The following EIF2AK1 variants were observed in gnomAD, a reference collection of about 807,000 sequenced individuals.
The protein encoded by EIF2AK1 is eukaryotic translation initiation factor 2-alpha kinase 1.
EIF2AK1 carries 54 observed loss-of-function variants against 77.9 expected under a neutral mutation model. The ratio of observed to expected loss-of-function variants is 0.69; its 90% CI spans 0.56 to 0.87. EIF2AK1 has a LOEUF of 0.87. Among genes scored for constraint, EIF2AK1 ranks in the 40% least tolerant of loss-of-function variants. EIF2AK1 has a pLI of 0.00. For missense variants in EIF2AK1, 810 were observed against 768.6 expected, an observed-to-expected ratio of 1.05 and a Z score of -0.64; for synonymous variants, 314 against 290.5, an observed-to-expected ratio of 1.08 and a Z score of -0.82.
intron 2 of EIF2AK1, among the ~76,000 whole-genome samples, chr7:6,051,942 G>T (rs1401710822): frequency 6.6e-6 from 1 of 151,990 alleles, no homozygotes; most frequent in Non-Finnish European, 1.5e-5. Flanking sequence ...GGAGGCCAAG[G>T]CCAGTGGATC....
At chr7:6,042,151 C>CA (rs1788317124) in intron 8 of EIF2AK1, among the ~76,000 whole-genome samples, 1 of 151,732 alleles carries the variant, frequency 6.6e-6, no homozygotes, top group African/African-American at 2.4e-5. Context: ...CCTGTCTCAA[C>CA]AAAAATAATA....
rs1035525704 is a variant in EIF2AK1, at chr7:6,035,851, T to C, written c.1332+1573A>G. On this transcript the variant is annotated intron_variant, in intron 11 of 14. Coordinates refer to ENST00000199389, the MANE Select transcript of EIF2AK1 (RefSeq NM_014413.4). This position sits in a 1 kb window ranked among gnomAD's most constrained non-coding sequence, Gnocchi z 5.5. ...TCCACGGGGAACACGCCCCTGAAGC[T>C]TGCAGTGTGCACTGCATCAAGCAAA... 3 of 1,548,322 alleles carry C rather than the reference T, an allele frequency of 1.9e-6. No homozygotes were observed. The highest frequency in any genetic ancestry group is 4.9e-5 in the East Asian group (2 of 40,876).
At position 6,024,098 on chromosome 7, in the gene EIF2AK1, T is replaced by C. The variant is rs1253595149; in HGVS notation, c.*575A>G. The C allele has an allele frequency of 1.0e-5, 13 of 1,298,632 alleles. No homozygotes were observed. Among genetic ancestry groups the C allele is most frequent in the Admixed American group, 2.3e-5 (1 of 43,788 alleles). 80.4% of individuals were successfully genotyped at this position (1,298,632 alleles called of 1,614,324 possible). ...GTACAAAGCTTTGCAAGGGTGTGGT[T>C]TTGGAATGACGCTAAACTGAAGGTG... On this transcript the variant is annotated 3_prime_UTR_variant, in exon 15 of 15. Coordinates refer to ENST00000199389, the MANE Select transcript of EIF2AK1 (RefSeq NM_014413.4).
chr7:6,052,774 T>C (rs1007478425), intron 2 of EIF2AK1, among the ~76,000 whole-genome samples: 2 of 151,704 alleles, frequency 1.3e-5, no homozygotes, highest in South Asian at 4.2e-4. Context: ...GAGACCAGCC[T>C]GAACAACATG....
At chr7:6,057,781 G>A (rs1051988315) in intron 1 of EIF2AK1, among the ~76,000 whole-genome samples, 4 of 151,828 alleles carry the variant, frequency 2.6e-5, no homozygotes, top group African/African-American at 7.3e-5. Flanking sequence ...ACAGGCGACC[G>A]CCACCACGCC....
chr7:6,034,761 A>C (rs1416505531), intron 11 of EIF2AK1, among the ~76,000 whole-genome samples: 1 of 152,156 alleles, frequency 6.6e-6, no homozygotes. Context: ...TGCCAAAACA[A>C]AGGAATTTTT....
At position 6,036,470 on chromosome 7, in the gene EIF2AK1, T is replaced by C; in HGVS notation, c.1332+954A>G. 1.1e-6 allele frequency: 1 copy of C among 915,572 alleles called. No individual in the cohort carries two copies. The highest frequency in any genetic ancestry group is 1.6e-6 in the Non-Finnish European group (1 of 641,018). 56.7% of individuals were successfully genotyped at this position (915,572 alleles called of 1,614,324 possible). A position where few individuals can be genotyped will look rare whatever the true frequency, so the allele number is the denominator to read the frequency against. On this transcript the variant is annotated intron_variant, in intron 11 of 14. Transcript: ENST00000199389. This position sits in a 1 kb window ranked among gnomAD's most constrained non-coding sequence, Gnocchi z 4.6. ...GGCTAGACATGTCCCAGAAAATGCT[T>C]CACCTATCACCTGTGACATCCCAAA...
At chr7:6,026,393 C>T (rs1226052523) in intron 14 of EIF2AK1, 5 of 513,676 alleles carry the variant, frequency 9.7e-6, no homozygotes, top group Admixed American at 2.3e-5. Flanking sequence ...CCGGCCTTTC[C>T]GGGAAGGAGT....
intron 2 of EIF2AK1, among the ~76,000 whole-genome samples, chr7:6,051,273 CTT>C (rs34563208): frequency 1.5e-4 from 21 of 137,420 alleles, no homozygotes; most frequent in Non-Finnish European, 1.4e-4. Flanking sequence ...TTTTTTCTTT[CTT>C]TTTTTTTTTT....
intron 13 of EIF2AK1, chr7:6,028,094 T>G: frequency 5.7e-6 from 2 of 348,732 alleles, no homozygotes; most frequent in South Asian, 4.3e-5. Context: ...AAAAAAATTG[T>G]GACATCTGTG....
chr7:6,026,076 G>A (rs919063657), intron 14 of EIF2AK1, among the ~76,000 whole-genome samples: 4 of 151,904 alleles, frequency 2.6e-5, no homozygotes, highest in South Asian at 2.1e-4. Context: ...GCCTCTCCCC[G>A]GTGGTCCAAT....
intron 2 of EIF2AK1, 99 bp from the exon 3 acceptor site, chr7:6,050,144 T>C: frequency 1.1e-6 from 1 of 883,690 alleles, no homozygotes; most frequent in Non-Finnish European, 1.7e-6. Flanking sequence ...TAGCAATATA[T>C]ACAAAAACCT....
chr7:6,059,159 C>T lies in EIF2AK1; in HGVS notation c.-76G>A. 9.7e-7 allele frequency: 1 copy of T among 1,030,816 alleles called. No individual in the cohort carries two copies. The highest frequency in any genetic ancestry group is 1.7e-5 in the African/African-American group (1 of 59,210). 63.9% of individuals were successfully genotyped at this position (1,030,816 alleles called of 1,614,324 possible). ...CCACACTCCGATGCTGCAGCTAGCGCCGTCCGACCCGGAAGTAACCCCTCA... is the reference window on the plus strand; with the variant it reads ...CCACACTCCGATGCTGCAGCTAGCGTCGTCCGACCCGGAAGTAACCCCTCA... On this transcript the variant is annotated 5_prime_UTR_variant, in exon 1 of 15. Transcript: ENST00000199389.
intron 9 of EIF2AK1, among the ~76,000 whole-genome samples, 192 bp from the exon 10 acceptor site, chr7:6,038,863 T>C (rs1459794840): frequency 6.6e-6 from 1 of 151,962 alleles, no homozygotes; most frequent in African/African-American, 2.4e-5. Flanking sequence ...AAGCCCAAAG[T>C]CTAATGAAAG....
Position 6,023,780 on chromosome 7 carries a change from G to A in EIF2AK1, c.*893C>T, listed in dbSNP as rs1342642237. ...AGTAAGGGGACTTGTATTAGAGTCA[G>A]AGTCTTTTTATTTAGGCCAGTTGTC... On this transcript the variant is annotated 3_prime_UTR_variant, in exon 15 of 15. Coordinates refer to ENST00000199389, the MANE Select transcript of EIF2AK1 (RefSeq NM_014413.4). The A allele has an allele frequency of 6.2e-7, 1 of 1,601,914 alleles. No individual in the cohort carries two copies. The highest frequency in any genetic ancestry group is 8.5e-7 in the Non-Finnish European group (1 of 1,173,160).
rs1411233308 is a variant in EIF2AK1, at chr7:6,041,181, G to A, written c.830C>T (p.Ser277Leu). Residue 277 changes from serine to leucine, a missense_variant, in exon 9 of 15, where the codon TCA (serine) becomes TTA (leucine). Ser to Leu is a moderately radical substitution (Grantham distance 145). This residue lies in a region of EIF2AK1 where 549 missense variants were observed against 533.7 expected (regional missense o/e 1.03). Coordinates refer to ENST00000199389, the MANE Select transcript of EIF2AK1 (RefSeq NM_014413.4). The stretch of plus-strand genomic sequence containing the variant: ...GGTGGGCTCAGCAAAGATAATGGAT[G>A]AGCTGCTACTTTCATCATTTTTAAC... ...CGVKNDESSS[S>L]SIIFAEPTPE... is the part of the protein sequence containing the mutation. The A allele has an allele frequency of 6.2e-7, 1 of 1,612,050 alleles. No homozygotes were observed.
At position 6,044,571 on chromosome 7, in the gene EIF2AK1, G is replaced by C; in HGVS notation, c.721C>G (p.Gln241Glu). The part of the protein sequence containing the change: ...TAWIEHVHVI[Q>E]PRADRAAIEL... Reference sequence around the variant, plus strand: ...ATCAAAAACGGCTTACCTCGTGGCTGAATCACATGAACATGTTCTATCCAC... The same window carrying C: ...ATCAAAAACGGCTTACCTCGTGGCTCAATCACATGAACATGTTCTATCCAC... Residue 241 changes from glutamine (Q) to glutamate (E), a missense_variant, in exon 7 of 15, where the codon CAG becomes GAG. By Grantham distance (29) the Gln-to-Glu change is conservative. This residue lies in a region of EIF2AK1 where 549 missense variants were observed against 533.7 expected (regional missense o/e 1.03). Coordinates refer to ENST00000199389, the MANE Select transcript of EIF2AK1 (RefSeq NM_014413.4). 1 of 1,612,972 alleles carries C rather than the reference G, an allele frequency of 6.2e-7. No homozygotes were observed. The highest frequency in any genetic ancestry group is 8.5e-7 in the Non-Finnish European group (1 of 1,179,268).
chr7:6,035,994 G>A lies in EIF2AK1; in HGVS notation c.1332+1430C>T. 6.4e-7 allele frequency: 1 copy of A among 1,551,026 alleles called. No individual in the cohort carries two copies. Among genetic ancestry groups the A allele is most frequent in the East Asian group, 2.4e-5 (1 of 40,894 alleles). Reference sequence around the variant, plus strand: ...AGCCATCCATGAGGCATGCTTTGGAGGCAGAGAGGCAATCATCAATCTCCT... The same window carrying A: ...AGCCATCCATGAGGCATGCTTTGGAAGCAGAGAGGCAATCATCAATCTCCT... On this transcript the variant is annotated intron_variant, in intron 11 of 14. Transcript: ENST00000199389. The surrounding 1 kb of genome is among the most constrained non-coding windows in gnomAD (Gnocchi z 5.5).
intron 11 of EIF2AK1, among the ~76,000 whole-genome samples, chr7:6,029,543 A>G (rs1165366929): frequency 6.6e-6 from 1 of 152,102 alleles, no homozygotes; most frequent in Non-Finnish European, 1.5e-5. Context: ...CAGCTGCATC[A>G]GAACTCCTGC....
Sources: gnomAD v4.1 joint callset for allele counts (sites outside exome capture counted in the v4.1 genomes callset) on GRCh38, gnomAD v4.1.1 for gene constraint, gnomAD v4.1.1 regional missense constraint, Gnocchi (gnomAD v3.1) non-coding constraint, MANE v1.5 for transcripts, NCBI Gene and HGNC (gene_info 2026-07-23, HGNC 2026-07-21) for gene names.